SPPL2A: variants seen among roughly 807,000 people sequenced by gnomAD.
The protein encoded by SPPL2A is signal peptide peptidase-like 2A.
A neutral mutation model predicts 63.8 loss-of-function variants in SPPL2A; 51 were observed. That is an observed-to-expected ratio of 0.80 (90% confidence interval 0.64 to 1.01). The LOEUF (loss-of-function observed/expected upper bound fraction) is 1.01. Among genes scored for constraint, SPPL2A ranks in the 50% least tolerant of loss-of-function variants. The pLI is 0.00. For synonymous variants in SPPL2A, 188 were observed against 205.8 expected (o/e 0.91, Z 0.74); for missense variants, 553 against 622.7 (o/e 0.89, Z 1.19).
At chr15:50,738,549 CAAAA>C (rs373037772) in intron 6 of SPPL2A, among the ~76,000 whole-genome samples, 1,578 of 97,660 alleles carry the variant, frequency 0.016, 34 homozygotes, top group African/African-American at 0.059. Flanking sequence ...ACTCTGTTTC[CAAAA>C]AAAAAAAAAA....
rs372096934 is a variant in SPPL2A, at chr15:50,729,060, C to T, written c.1089+1905G>A. Among the ~76,000 whole-genome samples the T allele has an allele frequency of 4.1e-4, 62 of 150,528 alleles. 1 individual carries two copies. The South Asian group carries it at 0.01, about 25-fold the overall frequency. On this transcript the variant is annotated intron_variant, in intron 10 of 14. Transcript: ENST00000261854. ...AACTCCTGACCTCAAGTGATCCACC[C>T]GCCTTGGCCTCCCAAAGTGCTGGGA... is the stretch of plus-strand genomic sequence containing the variant.
intron 12 of SPPL2A, among the ~76,000 whole-genome samples, chr15:50,724,494 C>T (rs754629341): frequency 5.9e-5 from 9 of 151,584 alleles, no homozygotes; most frequent in Non-Finnish European, 1.2e-4. Context: ...AGGAGAATGG[C>T]GTGAACCTGG....
intron 6 of SPPL2A, 44 bp downstream of exon 6, chr15:50,739,636 A>G: frequency 7.4e-7 from 1 of 1,357,250 alleles, no homozygotes; most frequent in Non-Finnish European, 9.9e-7. Context: ...GTCAGTGAAA[A>G]GAATGTATGT....
chr15:50,732,842 G>A (rs569750966), intron 8 of SPPL2A, among the ~76,000 whole-genome samples, 158 bp from the exon 9 acceptor site: 1 of 151,720 alleles, frequency 6.6e-6, no homozygotes, highest in East Asian at 1.9e-4. Flanking sequence ...AGGCTGGAGT[G>A]CAGTGGCATG....
intron 9 of SPPL2A, among the ~76,000 whole-genome samples, chr15:50,732,171 G>A (rs977098199): frequency 1.3e-5 from 2 of 152,020 alleles, no homozygotes; most frequent in African/African-American, 4.8e-5. Context: ...TGGGATACTC[G>A]GCATGGTGGA....
chr15:50,760,501 T>C (rs1255451037), intron 1 of SPPL2A, among the ~76,000 whole-genome samples: 1 of 152,112 alleles, frequency 6.6e-6, no homozygotes, highest in African/African-American at 2.4e-5. Context: ...CCTCAGGATC[T>C]GCCTGCCTCA....
chr15:50,738,364 C>A (rs953365035), intron 6 of SPPL2A, among the ~76,000 whole-genome samples: 1 of 152,084 alleles, frequency 6.6e-6, no homozygotes, highest in Non-Finnish European at 1.5e-5. Context: ...GCCTGGTCAA[C>A]ATAGTGAAAT....
intron 14 of SPPL2A, among the ~76,000 whole-genome samples, chr15:50,713,240 T>G (rs1252387395): frequency 2.0e-5 from 3 of 151,192 alleles, no homozygotes; most frequent in Non-Finnish European, 4.4e-5. Flanking sequence ...AAAATGCTAG[T>G]TTTCTGAAAA....
intron 5 of SPPL2A, among the ~76,000 whole-genome samples, chr15:50,745,202 G>C (rs190632337): frequency 2.0e-5 from 3 of 152,182 alleles, no homozygotes; most frequent in Non-Finnish European, 2.9e-5. Flanking sequence ...CCAGCTTGGA[G>C]TGCAATGGGA....
chr15:50,733,404 A>G (rs2141036865), intron 8 of SPPL2A, among the ~76,000 whole-genome samples: 1 of 152,284 alleles, frequency 6.6e-6, no homozygotes, highest in Admixed American at 6.5e-5. Context: ...ACAAATGAAC[A>G]GATATCTGTA....
intron 14 of SPPL2A, among the ~76,000 whole-genome samples, chr15:50,712,531 G>T (rs530143958): frequency 3.9e-5 from 6 of 152,058 alleles, no homozygotes; most frequent in African/African-American, 1.4e-4. Context: ...GCATGTAAAA[G>T]CTCCCCATTC....
intron 1 of SPPL2A, among the ~76,000 whole-genome samples, chr15:50,756,843 T>G (rs555351712): frequency 6.6e-6 from 1 of 152,178 alleles, no homozygotes; most frequent in Admixed American, 6.5e-5. Flanking sequence ...GGACTAGAAC[T>G]GGGCTCTCTA....
chr15:50,757,634 T>C (rs1343460351), intron 1 of SPPL2A, among the ~76,000 whole-genome samples: 1 of 152,214 alleles, frequency 6.6e-6, no homozygotes, highest in Admixed American at 6.5e-5. Flanking sequence ...GCCCATACTG[T>C]GAAGTTCTAC....
Position 50,760,934 on chromosome 15 carries a change from T to C in SPPL2A, c.66+4534A>G, listed in dbSNP as rs145753207. Among the ~76,000 whole-genome samples the C allele has an allele frequency of 2.4e-4, 37 of 152,204 alleles. No homozygotes were observed. In the East Asian group the frequency reaches 6.4e-3, roughly 26 times the overall value. ...TGATTATCATTTCATTGTATCAAGC[T>C]CAAGATGCAGCTATATGCTACTTCA... On this transcript the variant is annotated intron_variant, in intron 1 of 14. Transcript: ENST00000261854.
chr15:50,756,949 C>A (rs914774768), intron 1 of SPPL2A, among the ~76,000 whole-genome samples: 3 of 152,114 alleles, frequency 2.0e-5, no homozygotes, highest in Admixed American at 6.6e-5. Flanking sequence ...CCAACCATCA[C>A]ACTCCAGTTT....
intron 1 of SPPL2A, among the ~76,000 whole-genome samples, chr15:50,759,172 G>A (rs930766345): frequency 3.3e-5 from 5 of 152,144 alleles, no homozygotes; most frequent in South Asian, 2.1e-4. Context: ...CCGAAGTGCT[G>A]GTATTACAGG....
intron 11 of SPPL2A, chr15:50,725,797 G>T (rs2062682841): frequency 8.8e-6 from 2 of 226,448 alleles, no homozygotes; most frequent in South Asian, 1.3e-4. Context: ...AAAGGAACTT[G>T]AAATACTCTG....
intron 8 of SPPL2A, among the ~76,000 whole-genome samples, chr15:50,734,583 A>C (rs903646097): frequency 2.0e-5 from 3 of 152,200 alleles, no homozygotes; most frequent in Non-Finnish European, 4.4e-5. Flanking sequence ...AATATAGCTA[A>C]ATAAAATAAA....
At position 50,749,755 on chromosome 15, in the gene SPPL2A, C is replaced by A. The variant is rs2062892271; in HGVS notation, c.67-9G>T. 1.9e-6 allele frequency: 3 copies of A among 1,567,066 alleles called. No homozygotes were observed. The highest frequency in any genetic ancestry group is 8.8e-7 in the Non-Finnish European group (1 of 1,137,328). ...GCTTCCTGAGCGGCTGTCTAGGAGA[C>A]AAACAATAACTTTCAAACTTGCAAT... On this transcript the variant is annotated splice_polypyrimidine_tract_variant and intron_variant, in intron 1 of 14. Coordinates refer to ENST00000261854, the MANE Select transcript of SPPL2A (RefSeq NM_032802.4).
Sources: allele counts gnomAD v4.1 joint callset (sites outside exome capture counted in the v4.1 genomes callset), GRCh38; gene constraint gnomAD v4.1.1; transcripts MANE v1.5; gene names NCBI Gene and HGNC (gene_info 2026-07-23, HGNC 2026-07-21).